The following LSAMP variants were observed in gnomAD, a reference collection of about 807,000 sequenced individuals.
LSAMP encodes the protein limbic system associated membrane protein, also known as limbic system-associated membrane protein.
LSAMP carries 7 observed loss-of-function variants against 38.6 expected under a neutral mutation model. The ratio of observed to expected loss-of-function variants is 0.18; its 90% CI spans 0.10 to 0.34. The LOEUF is 0.34. LSAMP is among the 10% of genes least tolerant of loss of function. The pLI is 1.00. For synonymous variants in LSAMP, 154 were observed against 166.8 expected, an observed-to-expected ratio of 0.92 and a Z score of 0.59; for missense variants, 313 against 420.0, an observed-to-expected ratio of 0.75 and a Z score of 2.23.
intron 1 of LSAMP, among the ~76,000 whole-genome samples, chr3:116,253,084 C>G (rs144273445): frequency 9.5e-4 from 145 of 152,258 alleles, no homozygotes; most frequent in African/African-American, 3.3e-3. Flanking sequence ...ATATGAAGCA[C>G]AGCACATGGC....
chr3:116,293,329 A>G (rs2047292388), intron 1 of LSAMP, among the ~76,000 whole-genome samples: 1 of 152,200 alleles, frequency 6.6e-6, no homozygotes, highest in Non-Finnish European at 1.5e-5. Context: ...TTGCCCTGAA[A>G]CCTAAAAACT....
intron 3 of LSAMP, among the ~76,000 whole-genome samples, chr3:115,994,146 C>T (rs577167586): frequency 6.6e-6 from 1 of 152,050 alleles, no homozygotes; most frequent in Non-Finnish European, 1.5e-5. Flanking sequence ...GAGTGACTTC[C>T]TGGATGTCAG....
chr3:116,220,664 C>T (rs2046273155), intron 1 of LSAMP, among the ~76,000 whole-genome samples: 1 of 152,052 alleles, frequency 6.6e-6, no homozygotes, highest in African/African-American at 2.4e-5. Flanking sequence ...GAGCATCATA[C>T]ATTTAAGAGT....
At chr3:116,400,292 G>A (rs1414107525) in intron 1 of LSAMP, among the ~76,000 whole-genome samples, 1 of 151,800 alleles carries the variant, frequency 6.6e-6, no homozygotes, top group Non-Finnish European at 1.5e-5. Context: ...AAAGTCATGT[G>A]CCTTCCATGG....
chr3:115,831,381 C>T (rs917444524), intron 6 of LSAMP, among the ~76,000 whole-genome samples: 7 of 152,136 alleles, frequency 4.6e-5, no homozygotes, highest in South Asian at 2.1e-4. Context: ...GGGAATTTTT[C>T]GCTTGAGAGT....
At chr3:116,333,934 TA>T (rs1475663354) in intron 1 of LSAMP, among the ~76,000 whole-genome samples, 3 of 151,014 alleles carry the variant, frequency 2.0e-5, no homozygotes, top group African/African-American at 7.3e-5. Flanking sequence ...AGAAACAATA[TA>T]AAAAATAATA....
chr3:116,119,352 C>A (rs2107484712), intron 1 of LSAMP, among the ~76,000 whole-genome samples: 1 of 151,862 alleles, frequency 6.6e-6, no homozygotes, highest in African/African-American at 2.4e-5. Context: ...GGAAATATTA[C>A]ATGACTATAT....
intron 1 of LSAMP, among the ~76,000 whole-genome samples, chr3:116,233,558 G>A (rs1280126057): frequency 3.2e-4 from 49 of 151,706 alleles, no homozygotes; most frequent in Non-Finnish European, 8.8e-5. Context: ...CCAAACACTA[G>A]CTCTTATTCC....
chr3:115,989,529 T>C (rs1176816456), intron 3 of LSAMP, among the ~76,000 whole-genome samples: 1 of 152,048 alleles, frequency 6.6e-6, no homozygotes, highest in Non-Finnish European at 1.5e-5. Flanking sequence ...TGTCAATAAT[T>C]GAAAAGCACT....
chr3:116,284,872 A>G (rs187127745), intron 1 of LSAMP, among the ~76,000 whole-genome samples: 1 of 152,322 alleles, frequency 6.6e-6, no homozygotes, highest in Non-Finnish European at 1.5e-5. Context: ...CAAAGCATCT[A>G]GTTGTCTCTT....
intron 2 of LSAMP, among the ~76,000 whole-genome samples, chr3:116,058,479 A>T (rs912759880): frequency 3.3e-5 from 5 of 152,078 alleles, no homozygotes; most frequent in Admixed American, 6.5e-5. Context: ...AAAAAAAATT[A>T]AAAAGTTTTT....
At chr3:116,174,076 T>A (rs1710276094) in intron 1 of LSAMP, among the ~76,000 whole-genome samples, 1 of 151,984 alleles carries the variant, frequency 6.6e-6, no homozygotes, top group Admixed American at 6.6e-5. Flanking sequence ...GCAGCCTCAT[T>A]TATTTCCAAA....
At chr3:116,427,684 C>T (rs1196625301) in intron 1 of LSAMP, among the ~76,000 whole-genome samples, 2 of 152,230 alleles carry the variant, frequency 1.3e-5, no homozygotes, top group East Asian at 1.9e-4. Flanking sequence ...GGTAAACCCT[C>T]GGAATGGCCC....
chr3:116,207,121 G>A (rs1372655902), intron 1 of LSAMP, among the ~76,000 whole-genome samples: 1 of 152,054 alleles, frequency 6.6e-6, no homozygotes, highest in Non-Finnish European at 1.5e-5. Context: ...AGAATAGTTA[G>A]CTCTTCTTGT....
chr3:115,989,581 T>C (rs1939609632), intron 3 of LSAMP, among the ~76,000 whole-genome samples: 1 of 152,074 alleles, frequency 6.6e-6, no homozygotes, highest in Non-Finnish European at 1.5e-5. Context: ...TCCTCTATAG[T>C]GCTAAAGAAA....
intron 3 of LSAMP, among the ~76,000 whole-genome samples, chr3:116,008,399 T>G (rs1185843552): frequency 6.6e-6 from 1 of 152,230 alleles, no homozygotes; most frequent in Non-Finnish European, 1.5e-5. Context: ...CATACATTTT[T>G]CAAACTAGTT....
At chr3:116,206,159 C>T (rs1215897973) in intron 1 of LSAMP, among the ~76,000 whole-genome samples, 1 of 149,510 alleles carries the variant, frequency 6.7e-6, no homozygotes, top group Non-Finnish European at 1.5e-5. Flanking sequence ...GGAATTTATC[C>T]ATTTCTTCTA....
At chr3:116,123,494 G>A (rs1354038914) in intron 1 of LSAMP, among the ~76,000 whole-genome samples, 1 of 152,242 alleles carries the variant, frequency 6.6e-6, no homozygotes, top group Non-Finnish European at 1.5e-5. Flanking sequence ...TGATGATGTA[G>A]AAGGAAGTTT....
At chr3:116,406,037 A>T (rs1342999907) in intron 1 of LSAMP, among the ~76,000 whole-genome samples, 1 of 152,130 alleles carries the variant, frequency 6.6e-6, no homozygotes, top group African/African-American at 2.4e-5. Context: ...AAATGATATA[A>T]TTTTTGCATA....
Sources: allele counts gnomAD v4.1 joint callset (sites outside exome capture counted in the v4.1 genomes callset), GRCh38; gene constraint gnomAD v4.1.1; transcripts MANE v1.5; gene names NCBI Gene and HGNC (gene_info 2026-07-23, HGNC 2026-07-21).